Variants in MACROD2 observed in about 807,000 individuals in gnomAD.
MACROD2 encodes the protein mono-ADP ribosylhydrolase 2.
A neutral mutation model predicts 70.4 loss-of-function variants in MACROD2; 36 were observed. That is an observed-to-expected ratio of 0.51 (90% CI 0.39 to 0.68). The LOEUF (loss-of-function observed/expected upper bound fraction) is 0.68. Among genes scored for constraint, MACROD2 ranks in the 30% least tolerant of loss-of-function variants. MACROD2 has a pLI of 0.00. For missense variants in MACROD2, 496 were observed against 538.4 expected (o/e 0.92, Z 0.78); for synonymous variants, 172 against 178.8 (o/e 0.96, Z 0.30).
At chr20:14,722,822 C>G (rs1490593406) in intron 5 of MACROD2, among the ~76,000 whole-genome samples, 1 of 152,160 alleles carries the variant, frequency 6.6e-6, no homozygotes, top group African/African-American at 2.4e-5. Context: ...AGCACTTTCT[C>G]TATAGCCATC....
At chr20:15,725,757 C>T (rs1011833446) in intron 8 of MACROD2, among the ~76,000 whole-genome samples, 1 of 151,252 alleles carries the variant, frequency 6.6e-6, no homozygotes, top group Non-Finnish European at 1.5e-5. Context: ...GTTTAGAATC[C>T]AGATATCTAT....
At chr20:14,801,833 A>G (rs999864992) in intron 5 of MACROD2, among the ~76,000 whole-genome samples, 1 of 152,076 alleles carries the variant, frequency 6.6e-6, no homozygotes, top group African/African-American at 2.4e-5. Context: ...GCAATTGATT[A>G]ACACCGAGCA....
chr20:14,939,122 A>G (rs1279798336), intron 5 of MACROD2, among the ~76,000 whole-genome samples: 2 of 151,708 alleles, frequency 1.3e-5, no homozygotes, highest in Non-Finnish European at 2.9e-5. Flanking sequence ...TCATTTACCA[A>G]GTTTTGCTTT....
At chr20:14,302,695 C>T (rs1327820224) in intron 3 of MACROD2, among the ~76,000 whole-genome samples, 1 of 151,064 alleles carries the variant, frequency 6.6e-6, no homozygotes, top group Non-Finnish European at 1.5e-5. Flanking sequence ...TTCACTCTGT[C>T]ACCAGGCTGC....
intron 4 of MACROD2, among the ~76,000 whole-genome samples, chr20:14,575,683 G>A (rs1980551006): frequency 6.6e-6 from 1 of 152,098 alleles, no homozygotes; most frequent in Admixed American, 6.5e-5. Flanking sequence ...GTTGGCATAT[G>A]TACATTTTAT....
chr20:14,486,513 C>T (rs1259166986), intron 3 of MACROD2, among the ~76,000 whole-genome samples: 14 of 97,064 alleles, frequency 1.4e-4, no homozygotes, highest in Admixed American at 4.4e-4. Context: ...AAATAGCCAA[C>T]TTTTTATTTT....
intron 5 of MACROD2, among the ~76,000 whole-genome samples, chr20:15,003,117 G>A (rs950212003): frequency 1.3e-5 from 2 of 152,082 alleles, no homozygotes; most frequent in Non-Finnish European, 2.9e-5. Context: ...TGAGATCATA[G>A]GTACAGAGGA....
rs936046249 is a variant in MACROD2, at chr20:14,457,337, A to G, written c.272-36142A>G. Among the ~76,000 whole-genome samples the G allele has an allele frequency of 6.6e-5, 10 of 151,614 alleles. 1 individual carries two copies. Among genetic ancestry groups the G allele is most frequent in the Admixed American group, 3.3e-4 (5 of 15,252 alleles). ...TTTACAGCTTTCAAAGGTTACTTTT[A>G]TATGCAAGATTGGATTTGGTCTAGA... On this transcript the variant is annotated intron_variant, in intron 3 of 17. Coordinates refer to ENST00000684519, the MANE Select transcript of MACROD2 (RefSeq NM_001351661.2).
intron 12 of MACROD2, among the ~76,000 whole-genome samples, chr20:15,963,466 A>G (rs963664723): frequency 2.0e-5 from 3 of 152,164 alleles, no homozygotes; most frequent in Non-Finnish European, 4.4e-5. Context: ...ATTTTGGTGC[A>G]ACATGGTTTT....
chr20:14,173,181 A>T (rs1275806049), intron 3 of MACROD2, among the ~76,000 whole-genome samples: 3 of 152,170 alleles, frequency 2.0e-5, no homozygotes, highest in Admixed American at 2.0e-4. Context: ...GGATGTCCAG[A>T]TCTCTAGCAA....
intron 9 of MACROD2, among the ~76,000 whole-genome samples, chr20:15,870,640 G>C (rs1364846428): frequency 2.6e-5 from 4 of 152,106 alleles, no homozygotes; most frequent in African/African-American, 9.7e-5. Flanking sequence ...GTAGCAGGAA[G>C]ACCCTCACCA....
At position 14,702,602 on chromosome 20, in the gene MACROD2, T is replaced by TATATATATAC. The variant is rs1491331929; in HGVS notation, c.418+17651_418+17652insACATATATAT. Among the ~76,000 whole-genome samples the TATATATATAC allele has an allele frequency of 1.9e-3, 126 of 67,192 alleles. 20 individuals are homozygous for TATATATATAC. The highest frequency in any genetic ancestry group is 4.0e-3 in the African/African-American group (66 of 16,346). 44.1% of individuals were successfully genotyped at this position (67,192 alleles called of 152,430 possible). On this transcript the variant is annotated intron_variant, in intron 5 of 17. Coordinates refer to ENST00000684519, the MANE Select transcript of MACROD2 (RefSeq NM_001351661.2). ...GTATATATATGTATATATATGTGTG[T>TATATATATAC]ATATATATGTGTATATATATATACA...
intron 8 of MACROD2, among the ~76,000 whole-genome samples, chr20:15,772,079 G>A (rs1423059580): frequency 2.5e-5 from 2 of 80,140 alleles, no homozygotes; most frequent in Non-Finnish European, 4.3e-5. Flanking sequence ...AGTGAGACTC[G>A]GTCTCAAAAA....
rs114460171 is a variant in MACROD2 at position 14,691,657 on chromosome 20, A to T, written c.418+6698A>T. ...GCAGGTAATTCATAAGATGGTTCTG[A>T]GTTAGTCCTTTGCAAAGGGTGACCT... On this transcript the variant is annotated intron_variant, in intron 5 of 17. Coordinates refer to ENST00000684519, the MANE Select transcript of MACROD2 (RefSeq NM_001351661.2). 9.3e-3 allele frequency among the ~76,000 whole-genome samples: 1,415 copies of T among 152,210 alleles called. 13 individuals are homozygous for T. Among genetic ancestry groups the T allele is most frequent in the African/African-American group, 0.032 (1,341 of 41,528 alleles).
At chr20:14,063,466 A>G (rs918017662) in intron 2 of MACROD2, among the ~76,000 whole-genome samples, 8 of 152,158 alleles carry the variant, frequency 5.3e-5, no homozygotes, top group African/African-American at 1.7e-4. Context: ...GTTGCCAGCA[A>G]TGACACAGGT....
chr20:14,400,354 G>A (rs1248605168), intron 3 of MACROD2, among the ~76,000 whole-genome samples: 2 of 152,062 alleles, frequency 1.3e-5, no homozygotes, highest in Non-Finnish European at 2.9e-5. Context: ...TAAATTATGA[G>A]GTTTTTCCAT....
intron 8 of MACROD2, among the ~76,000 whole-genome samples, chr20:15,752,377 T>A (rs1430818907): frequency 6.6e-6 from 1 of 152,046 alleles, no homozygotes; most frequent in Admixed American, 6.6e-5. Flanking sequence ...CCATAATCAA[T>A]TAGAGATAAA....
intron 5 of MACROD2, among the ~76,000 whole-genome samples, chr20:14,792,334 C>G (rs1407730428): frequency 1.3e-5 from 2 of 152,004 alleles, no homozygotes; most frequent in African/African-American, 4.8e-5. Context: ...TCTTCTGAAT[C>G]CATTTCTCTC....
At chr20:15,498,467 G>A (rs993390649) in intron 7 of MACROD2, among the ~76,000 whole-genome samples, 2 of 152,050 alleles carry the variant, frequency 1.3e-5, no homozygotes, top group South Asian at 2.1e-4. Context: ...TAGACAAGCC[G>A]TATAAGGAAA....
Sources: gnomAD v4.1 joint callset for allele counts (sites outside exome capture counted in the v4.1 genomes callset) on GRCh38, gnomAD v4.1.1 for gene constraint, MANE v1.5 for transcripts, NCBI Gene and HGNC (gene_info 2026-07-23, HGNC 2026-07-21) for gene names.